The following FER variants were observed in gnomAD, a reference collection of about 807,000 sequenced individuals.
FER encodes the protein FER tyrosine kinase, also known as tyrosine-protein kinase Fer.
FER carries 63 observed loss-of-function variants against 111.0 expected under a neutral mutation model. The ratio of observed to expected loss-of-function variants is 0.57; its 90% CI spans 0.46 to 0.70. The LOEUF (loss-of-function observed/expected upper bound fraction) is 0.70. Ranked by LOEUF, FER falls within the 30% of genes least tolerant of loss-of-function variation. FER has a pLI of 0.00. For missense variants in FER, 914 were observed against 954.0 expected, an observed-to-expected ratio of 0.96 and a Z score of 0.55; for synonymous variants, 327 against 313.9, an observed-to-expected ratio of 1.04 and a Z score of -0.44.
At chr5:109,165,647 CATAT>C (rs1330296518) in intron 17 of FER, among the ~76,000 whole-genome samples, 1 of 148,678 alleles carries the variant, frequency 6.7e-6, no homozygotes, top group African/African-American at 2.5e-5. Flanking sequence ...TGTATACACA[CATAT>C]ATATCACAGA....
At chr5:109,172,458 G>A (rs1757219685) in intron 17 of FER, among the ~76,000 whole-genome samples, 1 of 117,430 alleles carries the variant, frequency 8.5e-6, no homozygotes, top group Non-Finnish European at 1.7e-5. Flanking sequence ...CACAGGAAGG[G>A]GAACATCACA....
intron 17 of FER, among the ~76,000 whole-genome samples, chr5:109,121,604 C>T (rs188723654): frequency 5.9e-5 from 9 of 152,178 alleles, no homozygotes; most frequent in Non-Finnish European, 8.8e-5. Flanking sequence ...ATAGTGGCCT[C>T]ATGGAATGAG....
intron 2 of FER, among the ~76,000 whole-genome samples, chr5:108,786,616 T>A (rs962898682): frequency 1.3e-5 from 2 of 152,142 alleles, no homozygotes; most frequent in Non-Finnish European, 2.9e-5. Context: ...TTCTCCTGTC[T>A]CAGCCTACCA....
At chr5:108,875,362 T>G (rs910159547) in intron 8 of FER, among the ~76,000 whole-genome samples, 1 of 152,056 alleles carries the variant, frequency 6.6e-6, no homozygotes, top group Non-Finnish European at 1.5e-5. Context: ...TATAATATAA[T>G]TTCTCTCCTT....
rs191621957 is a variant in FER at position 108,959,343 on chromosome 5, C to T, written c.1652C>T (p.Pro551Leu). 1 of 1,608,314 alleles carries T rather than the reference C, an allele frequency of 6.2e-7. No individual in the cohort carries two copies. Among genetic ancestry groups the T allele is most frequent in the Non-Finnish European group, 8.5e-7 (1 of 1,177,196 alleles). The stretch of plus-strand genomic sequence containing the variant: ...GGTGTAGTTCTGCTGAATCCTATTC[C>T]TAAGGTAGGTGCTTATATACTTTTT... ...KSGVVLLNPI[P>L]KDKKWILSHE... is the part of the protein sequence containing the mutation. The change falls in exon 13 of 20, where the codon CCT (proline) becomes CTT (leucine). Residue 551 changes from proline (P) to leucine (L), a missense_variant. Around this residue, in one of 3 missense-constraint regions of FER, gnomAD observed 774 missense variants for 782.6 expected, o/e 0.99. Coordinates refer to ENST00000281092, the MANE Select transcript of FER (RefSeq NM_005246.4).
chr5:108,914,355 A>G (rs1751973196), intron 10 of FER, among the ~76,000 whole-genome samples: 1 of 151,922 alleles, frequency 6.6e-6, no homozygotes, highest in Non-Finnish European at 1.5e-5. Context: ...TGCCATACTT[A>G]CTTTTCTCTG....
At chr5:108,934,475 C>G (rs980126682) in intron 10 of FER, among the ~76,000 whole-genome samples, 5 of 151,968 alleles carry the variant, frequency 3.3e-5, no homozygotes, top group Non-Finnish European at 7.4e-5. Context: ...TTAGTAATGC[C>G]CTATTTACAT....
intron 3 of FER, among the ~76,000 whole-genome samples, chr5:108,804,201 C>G (rs370298673): frequency 6.6e-6 from 1 of 152,154 alleles, no homozygotes; most frequent in African/African-American, 2.4e-5. Flanking sequence ...TGATTGTTTA[C>G]TGAAGTCGTT....
At chr5:108,892,799 A>C (rs2150313757) in intron 9 of FER, among the ~76,000 whole-genome samples, 1 of 152,236 alleles carries the variant, frequency 6.6e-6, no homozygotes, top group African/African-American at 2.4e-5. Context: ...TTATGGTGTT[A>C]GGTCTAACGT....
intron 8 of FER, 116 bp from the exon 9 acceptor site, chr5:108,883,280 G>T: frequency 1.0e-6 from 1 of 973,166 alleles, no homozygotes; most frequent in Non-Finnish European, 1.4e-6. Flanking sequence ...GTTTGAATCA[G>T]ATTATATGTG....
chr5:108,886,776 T>C (rs1463334760), intron 9 of FER, among the ~76,000 whole-genome samples: 1 of 151,684 alleles, frequency 6.6e-6, no homozygotes, highest in Non-Finnish European at 1.5e-5. Flanking sequence ...CATGGAGTTA[T>C]TATTGTTAGA....
intron 16 of FER, among the ~76,000 whole-genome samples, chr5:109,066,131 G>T (rs2149980197): frequency 6.6e-6 from 1 of 152,124 alleles, no homozygotes; most frequent in East Asian, 1.9e-4. Flanking sequence ...CTTCTTCTGT[G>T]TTTGTCTGCG....
intron 5 of FER, among the ~76,000 whole-genome samples, chr5:108,838,027 T>G (rs1760849875): frequency 6.6e-6 from 1 of 152,198 alleles, no homozygotes. Context: ...TATATCCACT[T>G]CACACATGAG....
chr5:108,768,828 AT>A (rs113751321), intron 2 of FER, among the ~76,000 whole-genome samples: 258 of 146,348 alleles, frequency 1.8e-3, no homozygotes, highest in Middle Eastern at 7.0e-3. Flanking sequence ...TTATAATACA[AT>A]TTTTTTTTTT....
At chr5:108,968,043 T>C (rs1036077813) in intron 13 of FER, among the ~76,000 whole-genome samples, 1 of 152,078 alleles carries the variant, frequency 6.6e-6, no homozygotes, top group Non-Finnish European at 1.5e-5. Flanking sequence ...TAAGAGAAGA[T>C]ATAATCAGAG....
At chr5:108,763,861 G>A (rs1291244036) in intron 1 of FER, among the ~76,000 whole-genome samples, 3 of 152,082 alleles carry the variant, frequency 2.0e-5, no homozygotes, top group Non-Finnish European at 2.9e-5. Context: ...ACATTTCTCC[G>A]TTTCTCTTCT....
chr5:108,981,160 A>G (rs946271957), intron 13 of FER, among the ~76,000 whole-genome samples: 3 of 151,508 alleles, frequency 2.0e-5, no homozygotes, highest in Non-Finnish European at 4.4e-5. Context: ...TTTTTTTTTT[A>G]GTTCATAATT....
At chr5:108,859,704 T>C (rs1763326267) in intron 5 of FER, among the ~76,000 whole-genome samples, 1 of 152,110 alleles carries the variant, frequency 6.6e-6, no homozygotes, top group Non-Finnish European at 1.5e-5. Context: ...TGTGGATCAA[T>C]TGAATGTAGC....
At position 108,918,454 on chromosome 5, in the gene FER, T is replaced by C. The variant is rs141581442; in HGVS notation, c.1236+20606T>C. On this transcript the variant is annotated intron_variant, in intron 10 of 19. Coordinates refer to ENST00000281092, the MANE Select transcript of FER (RefSeq NM_005246.4). ...TTTATCCAATAATATAATCTAGACT[T>C]AGAATAATGGGTAGTGGACTGGGTG... Among the ~76,000 whole-genome samples the C allele has an allele frequency of 6.6e-4, 101 of 152,070 alleles. 1 individual carries two copies. The East Asian group carries it at 0.019, about 28-fold the overall frequency.
Sources: gnomAD v4.1 joint callset for allele counts (sites outside exome capture counted in the v4.1 genomes callset) on GRCh38, gnomAD v4.1.1 for gene constraint, gnomAD v4.1.1 regional missense constraint, MANE v1.5 for transcripts, NCBI Gene and HGNC (gene_info 2026-07-23, HGNC 2026-07-21) for gene names.